CDKL5: variants seen among roughly 807,000 people sequenced by gnomAD.
CDKL5 encodes cyclin-dependent kinase-like 5.
Under a neutral mutation model 61.7 loss-of-function variants are expected in CDKL5, and 8 were observed. The ratio of observed to expected loss-of-function variants is 0.13; its 90% CI spans 0.08 to 0.23. CDKL5 has a LOEUF of 0.23. Among genes scored for constraint, CDKL5 ranks in the 10% least tolerant of loss-of-function variants. CDKL5 has a pLI of 1.00. For synonymous variants in CDKL5, 275 were observed against 272.3 expected (o/e 1.01, Z -0.10); for missense variants, 440 against 734.5 (o/e 0.60, Z 4.63).
intron 3 of CDKL5, among the ~76,000 whole-genome samples, chrX:18,546,806 G>A (rs924453773): frequency 1.8e-5 from 2 of 111,475 alleles, no homozygotes; most frequent in Non-Finnish European, 3.8e-5. Context: ...TTCCAGTGCA[G>A]TTGTGGTGAG....
intron 3 of CDKL5, among the ~76,000 whole-genome samples, chrX:18,530,707 C>T (rs1414062857): frequency 9.0e-6 from 1 of 111,557 alleles, no homozygotes; most frequent in Non-Finnish European, 1.9e-5. Flanking sequence ...TATGCTTTTT[C>T]TTGCTTTTTG....
At chrX:18,444,281 C>A (rs1008111496) in intron 1 of CDKL5, among the ~76,000 whole-genome samples, 1 of 110,621 alleles carries the variant, frequency 9.0e-6, no homozygotes, top group Non-Finnish European at 1.9e-5. Context: ...TCATCACATC[C>A]TTCGTGTTGT....
Position 18,625,216 on chromosome X carries a change from G to A in CDKL5, c.2465G>A (p.Arg822His), listed in dbSNP as rs376429571. ...STPSSRPKEW[R>H]PEKISDLQTQ... is the part of the protein sequence containing the mutation. ...CCAAGCAGCAGACCAAAGGAGTGGC[G>A]CCCCGAGAAGATCTCAGATCTGCAG... Residue 822 changes from arginine to histidine, a missense_variant, in exon 17 of 18, where the codon CGC becomes CAC. Around this residue, in one of 2 missense-constraint regions of CDKL5, gnomAD observed 363 missense variants for 516.3 expected, o/e 0.70. Transcript: ENST00000623535. The A allele has an allele frequency of 1.5e-5, 18 of 1,205,205 alleles. No homozygotes were observed. Among genetic ancestry groups the A allele is most frequent in the Non-Finnish European group, 2.0e-5 (18 of 893,367 alleles).
At position 18,647,037 on chromosome X, in the gene CDKL5, C is replaced by G. The variant is rs749475515; in HGVS notation, c.2797+947C>G. ...GTTCAAGCAATTCTCCTGCCTCAGC[C>G]TCCTGAGTAGCTGGGATTACAGGCA... On this transcript the variant is annotated intron_variant, in intron 20 of 21. Transcript: ENST00000379989. Among the ~76,000 whole-genome samples the G allele has an allele frequency of 1.8e-3, 205 of 111,089 alleles. 2 individuals are homozygous for G. Among genetic ancestry groups the G allele is most frequent in the Non-Finnish European group, 2.5e-3 (133 of 53,020 alleles).
chrX:18,485,366 T>C (rs1303722539), intron 1 of CDKL5, among the ~76,000 whole-genome samples: 2 of 111,697 alleles, frequency 1.8e-5, no homozygotes, highest in African/African-American at 6.5e-5. Flanking sequence ...CTAACTCTCT[T>C]CCTGCCTCCA....
intron 1 of CDKL5, among the ~76,000 whole-genome samples, chrX:18,466,621 C>T (rs755531623): frequency 4.5e-5 from 5 of 111,400 alleles, no homozygotes; most frequent in Non-Finnish European, 9.4e-5. Context: ...AGAGATCCTC[C>T]TGCCTCAGCC....
chrX:18,647,417 C>T (rs1373118133), intron 20 of CDKL5: 3 of 1,032,842 alleles, frequency 2.9e-6, no homozygotes, highest in Non-Finnish European at 4.1e-6. Flanking sequence ...ACAAACCCAT[C>T]TGCTTTGCGC....
chrX:18,564,526 G>GATAT lies in CDKL5; in HGVS notation c.145+25_145+28dup, dbSNP rs745969938. ...AAGAAATTCAAGGACAGTGAAGGTA[G>GATAT]ATATATATATATATATATATATATC... On this transcript the variant is annotated splice_donor_region_variant and intron_variant, in intron 4 of 17. Transcript: ENST00000623535. The GATAT allele has an allele frequency of 1.1e-3, 658 of 602,281 alleles. No individual in the cohort carries two copies. The highest frequency in any genetic ancestry group is 1.4e-3 in the Middle Eastern group (3 of 2,169). The allele number at this position is 602,281 out of a possible 1,213,427, so 49.6% of individuals were successfully genotyped here. A position where few individuals can be genotyped will look rare whatever the true frequency, so the allele number is the denominator to read the frequency against.
chrX:18,473,783 G>C (rs994184462), intron 1 of CDKL5, among the ~76,000 whole-genome samples: 27 of 107,526 alleles, frequency 2.5e-4, no homozygotes, highest in Admixed American at 1.5e-3. Flanking sequence ...GCCGATTTCG[G>C]CTCACTGCAA....
At chrX:18,587,781 G>A in intron 8 of CDKL5, 173 bp from the exon 9 acceptor site, 1 of 471,821 alleles carries the variant, frequency 2.1e-6, no homozygotes, top group Non-Finnish European at 3.7e-6. Context: ...ATTAGCATAG[G>A]TTTATTCACT....
intron 1 of CDKL5, among the ~76,000 whole-genome samples, chrX:18,435,859 A>G (rs1429215863): frequency 9.0e-6 from 1 of 111,174 alleles, no homozygotes; most frequent in Admixed American, 9.7e-5. Context: ...GAGCCGGCCA[A>G]AGAATTTAGT....
At chrX:18,567,484 C>T (rs1925006164) in intron 4 of CDKL5, among the ~76,000 whole-genome samples, 1 of 111,767 alleles carries the variant, frequency 8.9e-6, no homozygotes, top group Admixed American at 9.5e-5. Context: ...ATAGGATCTG[C>T]ACTTGGTCTG....
Position 18,638,788 on chromosome X carries a change from T to TG in CDKL5, c.*10033dup, listed in dbSNP as rs1158090536. Among the ~76,000 whole-genome samples the TG allele has an allele frequency of 2.7e-5, 3 of 112,130 alleles. No homozygotes were observed. The highest frequency in any genetic ancestry group is 5.6e-5 in the Non-Finnish European group (3 of 53,286). On this transcript the variant is annotated 3_prime_UTR_variant, in exon 18 of 18. Transcript: ENST00000623535. ...CCAAAACAATCCCGAAGAGCAAAGT[T>TG]GGAGGACTCACATGCCCCAATTTCA... is the stretch of plus-strand genomic sequence containing the variant.
intron 1 of CDKL5, among the ~76,000 whole-genome samples, chrX:18,450,822 G>C (rs1293897869): frequency 9.1e-6 from 1 of 110,364 alleles, no homozygotes; most frequent in East Asian, 2.8e-4. Context: ...TGATCCACTT[G>C]CCTCGGCCTC....
chrX:18,462,520 T>C (rs187767381), intron 1 of CDKL5, among the ~76,000 whole-genome samples: 1 of 111,546 alleles, frequency 9.0e-6, no homozygotes, highest in East Asian at 2.8e-4. Flanking sequence ...TGGTCTAGAC[T>C]TAATTGGTCA....
intron 1 of CDKL5, among the ~76,000 whole-genome samples, chrX:18,466,926 T>C (rs1318442227): frequency 1.8e-5 from 2 of 111,348 alleles, no homozygotes; most frequent in East Asian, 5.6e-4. Context: ...CCAATAGAGA[T>C]GCACTGCAGG....
At chrX:18,484,443 G>A (rs1921712999) in intron 1 of CDKL5, among the ~76,000 whole-genome samples, 1 of 109,704 alleles carries the variant, frequency 9.1e-6, no homozygotes, top group Non-Finnish European at 1.9e-5. Flanking sequence ...TCAGCCTCCT[G>A]AGTAGCTGGG....
At chrX:18,541,910 A>G (rs1924037949) in intron 3 of CDKL5, among the ~76,000 whole-genome samples, 1 of 111,334 alleles carries the variant, frequency 9.0e-6, no homozygotes. Context: ...ACTCTAAAGT[A>G]TTTGTATGAT....
At chrX:18,537,727 C>A (rs1280561236) in intron 3 of CDKL5, among the ~76,000 whole-genome samples, 1 of 112,394 alleles carries the variant, frequency 8.9e-6, no homozygotes. Context: ...TTTGTCATTT[C>A]AAGAATGCTA....
Sources: gnomAD v4.1 joint callset for allele counts (sites outside exome capture counted in the v4.1 genomes callset) on GRCh38, gnomAD v4.1.1 for gene constraint, gnomAD v4.1.1 regional missense constraint, MANE v1.5 for transcripts, NCBI Gene and HGNC (gene_info 2026-07-23, HGNC 2026-07-21) for gene names.